The following ANKS1B variants were observed in gnomAD, a reference collection of about 807,000 sequenced individuals.
The protein encoded by ANKS1B is ankyrin repeat and sterile alpha motif domain-containing protein 1B.
A neutral mutation model predicts 148.3 loss-of-function variants in ANKS1B; 36 were observed. The ratio of observed to expected loss-of-function variants is 0.24; its 90% CI spans 0.19 to 0.32. The LOEUF is 0.32. Among genes scored for constraint, ANKS1B ranks in the 10% least tolerant of loss-of-function variants. The pLI is 1.00. For missense variants in ANKS1B, 1,157 were observed against 1,542.6 expected (o/e 0.75, Z 4.19); for synonymous variants, 542 against 560.8 (o/e 0.97, Z 0.47).
At chr12:99,575,006 C>T (rs1597372376) in intron 9 of ANKS1B, among the ~76,000 whole-genome samples, 5 of 152,044 alleles carry the variant, frequency 3.3e-5, no homozygotes, top group African/African-American at 1.2e-4. Context: ...ATTATTATCA[C>T]CTACATACGA....
At chr12:99,247,191 T>C (rs528323660) in intron 12 of ANKS1B, among the ~76,000 whole-genome samples, 22 of 152,224 alleles carry the variant, frequency 1.4e-4, no homozygotes, top group Admixed American at 9.8e-4. Flanking sequence ...ATGAACAAAA[T>C]TGGGTTTTCT....
chr12:99,722,086 G>A (rs2058144356), intron 8 of ANKS1B, among the ~76,000 whole-genome samples: 1 of 152,176 alleles, frequency 6.6e-6, no homozygotes, highest in Admixed American at 6.5e-5. Context: ...AAGCTAGCAG[G>A]GGTTCATGAG....
At chr12:99,796,141 G>C (rs1387902052) in intron 4 of ANKS1B, among the ~76,000 whole-genome samples, 2 of 151,922 alleles carry the variant, frequency 1.3e-5, no homozygotes, top group East Asian at 1.9e-4. Context: ...TGCAATACCA[G>C]AACAGTCGAT....
chr12:99,805,263 CAAAA>C (rs58248573), intron 4 of ANKS1B, among the ~76,000 whole-genome samples: 36 of 28,916 alleles, frequency 1.2e-3, no homozygotes, highest in African/African-American at 4.1e-3. Context: ...GAGGAAAAGG[CAAAA>C]AAAAAAAAAA....
chr12:98,834,155 C>A (rs933998637), intron 17 of ANKS1B, among the ~76,000 whole-genome samples: 4 of 152,068 alleles, frequency 2.6e-5, no homozygotes, highest in African/African-American at 9.7e-5. Context: ...TTTATAAAAC[C>A]TTCATCTCCC....
chr12:99,410,495 C>T (rs1023693559), intron 11 of ANKS1B, among the ~76,000 whole-genome samples: 1 of 152,098 alleles, frequency 6.6e-6, no homozygotes, highest in Admixed American at 6.5e-5. Flanking sequence ...CGGTGAAACC[C>T]CGTCTCTACT....
At chr12:98,973,110 T>C (rs998656432) in intron 17 of ANKS1B, among the ~76,000 whole-genome samples, 4 of 152,040 alleles carry the variant, frequency 2.6e-5, no homozygotes, top group African/African-American at 9.7e-5. Context: ...TTTTATTGGG[T>C]ATATAATCAT....
Position 98,829,406 on chromosome 12 carries a change from G to T in ANKS1B, c.2887-53C>A. The T allele has an allele frequency of 6.4e-7, 1 of 1,563,846 alleles. No individual in the cohort carries two copies. Among genetic ancestry groups the T allele is most frequent in the Non-Finnish European group, 8.7e-7 (1 of 1,150,758 alleles). ...TACCATGTTCTGTGGCTAACCTTTG[G>T]TTTCAAAATTGTGAAATACTGACAA... On this transcript the variant is annotated intron_variant, in intron 18 of 26. Transcript: ENST00000683438. This position sits in a 1 kb window ranked among gnomAD's most constrained non-coding sequence, Gnocchi z 5.2.
At chr12:99,786,672 A>G (rs2153638741) in intron 4 of ANKS1B, among the ~76,000 whole-genome samples, 1 of 152,318 alleles carries the variant, frequency 6.6e-6, no homozygotes, top group East Asian at 1.9e-4. Context: ...CTCATCCAAA[A>G]TGTAGAATAA....
At chr12:99,962,132 T>C (rs1261738043) in intron 1 of ANKS1B, among the ~76,000 whole-genome samples, 1 of 152,180 alleles carries the variant, frequency 6.6e-6, no homozygotes, top group Non-Finnish European at 1.5e-5. Context: ...GCAGGTTTGT[T>C]ACATAGGTAT....
At chr12:99,950,011 A>G (rs1172580580) in intron 1 of ANKS1B, among the ~76,000 whole-genome samples, 2 of 151,816 alleles carry the variant, frequency 1.3e-5, no homozygotes, top group Non-Finnish European at 2.9e-5. Context: ...CCCAGACTGG[A>G]GTGCAGTAGC....
intron 22 of ANKS1B, among the ~76,000 whole-genome samples, chr12:98,786,413 T>C (rs1441861994): frequency 6.6e-6 from 1 of 152,208 alleles, no homozygotes; most frequent in Non-Finnish European, 1.5e-5. Context: ...AGTCACTGAA[T>C]GCTTTTAGAG....
chr12:99,515,673 G>C (rs2096811260), intron 9 of ANKS1B, among the ~76,000 whole-genome samples: 1 of 151,918 alleles, frequency 6.6e-6, no homozygotes, highest in East Asian at 1.9e-4. Context: ...GTTTTCCTTT[G>C]GGGGTGGGGG....
Position 99,499,152 on chromosome 12 carries a change from T to C in ANKS1B, c.1438+5324A>G, listed in dbSNP as rs142666748. Among the ~76,000 whole-genome samples the C allele has an allele frequency of 1.4e-4, 21 of 152,334 alleles. No homozygotes were observed. In the East Asian group the frequency reaches 2.1e-3, roughly 15 times the overall value. Reference sequence around the variant, plus strand: ...GTGGGGCTGAGTGGATAAGGTCTCATATAAAATTACATAGAAACTGTTTTG... The same window carrying C: ...GTGGGGCTGAGTGGATAAGGTCTCACATAAAATTACATAGAAACTGTTTTG... On this transcript the variant is annotated intron_variant, in intron 10 of 26. Transcript: ENST00000683438.
chr12:99,813,688 T>A (rs1190750067), intron 2 of ANKS1B, among the ~76,000 whole-genome samples: 3 of 151,712 alleles, frequency 2.0e-5, no homozygotes, highest in South Asian at 2.1e-4. Context: ...ATCATGATTT[T>A]AAAAAAACAA....
At chr12:99,316,457 C>A (rs901526041) in intron 12 of ANKS1B, among the ~76,000 whole-genome samples, 1 of 152,152 alleles carries the variant, frequency 6.6e-6, no homozygotes, top group Non-Finnish European at 1.5e-5. Flanking sequence ...CTGTTGGGGG[C>A]ATAAATGCTT....
intron 12 of ANKS1B, among the ~76,000 whole-genome samples, chr12:99,345,982 T>C (rs1413883465): frequency 6.6e-6 from 1 of 152,010 alleles, no homozygotes; most frequent in Non-Finnish European, 1.5e-5. Flanking sequence ...TTACATAGGG[T>C]TTGTAAAATT....
At chr12:99,395,853 TA>T (rs1006322407) in intron 12 of ANKS1B, among the ~76,000 whole-genome samples, 7 of 152,196 alleles carry the variant, frequency 4.6e-5, no homozygotes, top group Non-Finnish European at 7.4e-5. Flanking sequence ...TTTGTTCTGT[TA>T]AATGCCATTT....
At position 98,807,881 on chromosome 12, in the gene ANKS1B, G is replaced by A; in HGVS notation, c.3104C>T (p.Ala1035Val). The change falls in exon 20 of 27, where the codon GCA becomes GTA. Residue 1035 changes from alanine (A) to valine (V), a missense_variant. Ala to Val is a moderately conservative substitution (Grantham distance 64, BLOSUM62 0). Around this residue, in one of 6 missense-constraint regions of ANKS1B, gnomAD observed 258 missense variants for 497.0 expected, o/e 0.52. Transcript: ENST00000683438. ...SVCEIWTNQN[A>V]GFPFSAIHQV... ...ATGGATCGCTGAGAAAGGAAATCCT[G>A]CGTTCTGATTCGTCCATATTTCACA... The A allele has an allele frequency of 6.2e-7, 1 of 1,613,398 alleles. No individual in the cohort carries two copies. Among genetic ancestry groups the A allele is most frequent in the Non-Finnish European group, 8.5e-7 (1 of 1,179,652 alleles).
Sources: allele counts gnomAD v4.1 joint callset (sites outside exome capture counted in the v4.1 genomes callset), GRCh38; gene constraint gnomAD v4.1.1; regional missense constraint gnomAD v4.1.1; non-coding constraint Gnocchi (gnomAD v3.1); transcripts MANE v1.5; gene names NCBI Gene and HGNC (gene_info 2026-07-23, HGNC 2026-07-21).